Variants in CFAP299 observed in about 807,000 individuals in gnomAD.
The protein encoded by CFAP299 is cilia and flagella associated protein 299, also known as cilia- and flagella-associated protein 299.
Under a neutral mutation model 27.0 loss-of-function variants are expected in CFAP299, and 21 were observed. The ratio of observed to expected loss-of-function variants is 0.78; its 90% CI spans 0.55 to 1.12. The LOEUF is 1.12. Ranked by LOEUF, CFAP299 falls within the 50% of genes most tolerant of loss-of-function variation. The probability of loss-of-function intolerance (pLI) is 0.00; values close to 1 mark genes in which losing one functional copy is unlikely to be tolerated. For synonymous variants in CFAP299, 104 were observed against 98.1 expected (o/e 1.06, Z -0.36); for missense variants, 310 against 276.6 (o/e 1.12, Z -0.86).
chr4:80,728,832 A>C (rs1247106086), intron 3 of CFAP299, among the ~76,000 whole-genome samples: 1 of 152,128 alleles, frequency 6.6e-6, no homozygotes, highest in Non-Finnish European at 1.5e-5. Context: ...TGACTTCCTC[A>C]GAACTTCTTA....
At chr4:80,574,345 T>A (rs191140210) in intron 2 of CFAP299, among the ~76,000 whole-genome samples, 7 of 152,298 alleles carry the variant, frequency 4.6e-5, no homozygotes, top group African/African-American at 1.7e-4. Context: ...GTTCTAATAG[T>A]TTTTCAGTGG....
At chr4:80,957,903 G>C (rs1738147489) in intron 5 of CFAP299, among the ~76,000 whole-genome samples, 1 of 152,092 alleles carries the variant, frequency 6.6e-6, no homozygotes, top group South Asian at 2.1e-4. Flanking sequence ...TGTTTATATA[G>C]GTATCTCAAA....
In CFAP299 at chr4:80,689,498, A is replaced by G. The variant is rs1578021634; in HGVS notation, c.333+106315A>G. ...TTTACAGACAAGCAAATGCTGAGAG[A>G]TTTTGTCACCACCAGGCCTGCCCTA... On this transcript the variant is annotated intron_variant, in intron 3 of 5. Transcript: ENST00000358105. 2.0e-5 allele frequency among the ~76,000 whole-genome samples: 3 copies of G among 152,342 alleles called. No homozygotes were observed. The East Asian group carries it at 5.8e-4, about 29-fold the overall frequency.
intron 3 of CFAP299, among the ~76,000 whole-genome samples, chr4:80,815,582 CA>C (rs1729381066): frequency 6.6e-6 from 1 of 151,832 alleles, no homozygotes; most frequent in East Asian, 1.9e-4. Flanking sequence ...AATAAAATGA[CA>C]GGAAATATAA....
At chr4:80,769,553 T>G (rs189679487) in intron 3 of CFAP299, among the ~76,000 whole-genome samples, 1 of 152,206 alleles carries the variant, frequency 6.6e-6, no homozygotes, top group African/African-American at 2.4e-5. Context: ...AGCCACCATG[T>G]GCAGCTAATT....
At chr4:80,687,885 G>A (rs376070922) in intron 3 of CFAP299, among the ~76,000 whole-genome samples, 1 of 152,212 alleles carries the variant, frequency 6.6e-6, no homozygotes, top group Admixed American at 6.5e-5. Context: ...GGAAGCACAG[G>A]GGGGTCAGGG....
chr4:80,465,000 A>G (rs1729634070), intron 2 of CFAP299, among the ~76,000 whole-genome samples: 1 of 152,114 alleles, frequency 6.6e-6, no homozygotes, highest in African/African-American at 2.4e-5. Context: ...TTAACTTTCC[A>G]TGGCTTACTT....
rs151279417 is a variant in CFAP299, at chr4:80,898,196, T to A, written c.476+28061T>A. Reference sequence around the variant, plus strand: ...TGACCAGTGACCAAGAAAAATGAGGTCACATGAACAAATTAGAGGTGGTAA... The same window carrying A: ...TGACCAGTGACCAAGAAAAATGAGGACACATGAACAAATTAGAGGTGGTAA... On this transcript the variant is annotated intron_variant, in intron 4 of 5. Coordinates refer to ENST00000358105, the MANE Select transcript of CFAP299 (RefSeq NM_152770.3). 4.0e-3 allele frequency among the ~76,000 whole-genome samples: 607 copies of A among 152,198 alleles called. 5 individuals carry two copies. The highest frequency in any genetic ancestry group is 0.014 in the African/African-American group (566 of 41,538).
At chr4:80,846,697 G>T (rs1731202461) in intron 3 of CFAP299, among the ~76,000 whole-genome samples, 1 of 152,086 alleles carries the variant, frequency 6.6e-6, no homozygotes, top group Non-Finnish European at 1.5e-5. Context: ...ACTGTTAATT[G>T]ATGAGATTCT....
intron 3 of CFAP299, among the ~76,000 whole-genome samples, chr4:80,852,752 A>G (rs1731595972): frequency 6.6e-6 from 1 of 152,162 alleles, no homozygotes; most frequent in South Asian, 2.1e-4. Context: ...CTCATCATCT[A>G]TTGAAAATGC....
chr4:80,708,406 A>T (rs1350856651), intron 3 of CFAP299, among the ~76,000 whole-genome samples: 1 of 151,990 alleles, frequency 6.6e-6, no homozygotes, highest in Non-Finnish European at 1.5e-5. Flanking sequence ...GCTTTACTGA[A>T]TGTAAGTAAA....
intron 4 of CFAP299, among the ~76,000 whole-genome samples, chr4:80,885,411 A>G (rs768717236): frequency 6.6e-5 from 10 of 152,200 alleles, no homozygotes; most frequent in Non-Finnish European, 1.3e-4. Flanking sequence ...GAATGCCTGC[A>G]CCATCCCTAT....
intron 2 of CFAP299, chr4:80,387,413 C>A: frequency 1.0e-6 from 1 of 972,728 alleles, no homozygotes; most frequent in Non-Finnish European, 1.7e-6. Context: ...CTTGCTGGGG[C>A]AGAACTGGAA....
rs1491098227 is a variant in CFAP299, at chr4:80,799,671, A to ATAT, written c.334-70321_334-70319dup. 5.3e-4 allele frequency among the ~76,000 whole-genome samples: 5 copies of ATAT among 9,428 alleles called. 1 individual carries two copies. The highest frequency in any genetic ancestry group is 9.4e-4 in the Non-Finnish European group (4 of 4,246). 6.2% of individuals were successfully genotyped at this position (9,428 alleles called of 152,430 possible). A position where few individuals can be genotyped will look rare whatever the true frequency, so the allele number is the denominator to read the frequency against. On this transcript the variant is annotated intron_variant, in intron 3 of 5. Transcript: ENST00000358105. ...ATATTTTATATATTATATTTTATAA[A>ATAT]TATATATTTATAAATATATAATATA...
chr4:80,783,702 T>G, intron 3 of CFAP299, among the ~76,000 whole-genome samples: 1 of 152,176 alleles, frequency 6.6e-6, no homozygotes, highest in East Asian at 1.9e-4. Context: ...ATCACTGGGT[T>G]CTAAAATAGA....
intron 3 of CFAP299, among the ~76,000 whole-genome samples, chr4:80,606,278 T>C (rs140119239): frequency 2.8e-4 from 43 of 152,334 alleles, no homozygotes; most frequent in Admixed American, 5.9e-4. Context: ...GGCTCACGCT[T>C]GTAATCCCAG....
intron 4 of CFAP299, among the ~76,000 whole-genome samples, chr4:80,934,233 G>A (rs1434443313): frequency 6.6e-6 from 1 of 152,024 alleles, no homozygotes; most frequent in African/African-American, 2.4e-5. Flanking sequence ...ATTTGCATAT[G>A]TTGAGCCATC....
At chr4:80,805,160 AAC>A (rs1190035496) in intron 3 of CFAP299, among the ~76,000 whole-genome samples, 1 of 152,056 alleles carries the variant, frequency 6.6e-6, no homozygotes, top group African/African-American at 2.4e-5. Context: ...TTATTTTGAG[AAC>A]ACAAGCATAA....
At chr4:80,661,738 A>C (rs774694524) in intron 3 of CFAP299, among the ~76,000 whole-genome samples, 6 of 152,234 alleles carry the variant, frequency 3.9e-5, no homozygotes, top group Non-Finnish European at 5.9e-5. Flanking sequence ...AGATAACCTT[A>C]AACTCTGGCT....
Sources: gnomAD v4.1 joint callset for allele counts (sites outside exome capture counted in the v4.1 genomes callset) on GRCh38, gnomAD v4.1.1 for gene constraint, MANE v1.5 for transcripts, NCBI Gene and HGNC (gene_info 2026-07-23, HGNC 2026-07-21) for gene names.